Variants in NARS2 observed in about 807,000 individuals in gnomAD.
NARS2 encodes the protein asparaginyl-tRNA synthetase 2, mitochondrial.
NARS2 carries 60 observed loss-of-function variants against 62.9 expected under a neutral mutation model. The ratio of observed to expected loss-of-function variants is 0.95; its 90% CI spans 0.77 to 1.18. The LOEUF (loss-of-function observed/expected upper bound fraction) is 1.18. Ranked by LOEUF, NARS2 falls within the 50% of genes most tolerant of loss-of-function variation. The probability of loss-of-function intolerance (pLI) is 0.00; values close to 1 mark genes in which losing one functional copy is unlikely to be tolerated. For missense variants in NARS2, 619 were observed against 576.4 expected (o/e 1.07, Z -0.76); for synonymous variants, 196 against 200.0 (o/e 0.98, Z 0.17).
At chr11:78,507,620 C>T (rs528620404) in intron 6 of NARS2, among the ~76,000 whole-genome samples, 51 of 151,420 alleles carry the variant, frequency 3.4e-4, no homozygotes, top group Middle Eastern at 3.4e-3. Flanking sequence ...CCCGGGTTCA[C>T]GCCATTCTCC....
At chr11:78,467,778 T>C (rs1858684565) in intron 10 of NARS2, among the ~76,000 whole-genome samples, 1 of 152,076 alleles carries the variant, frequency 6.6e-6, no homozygotes, top group South Asian at 2.1e-4. Flanking sequence ...AATTTGATTA[T>C]GATAATCTGT....
intron 6 of NARS2, among the ~76,000 whole-genome samples, chr11:78,503,645 C>T (rs1425390155): frequency 2.6e-5 from 4 of 152,178 alleles, no homozygotes; most frequent in Admixed American, 1.3e-4. Flanking sequence ...GGCCTATATA[C>T]TATGAATGAA....
chr11:78,528,828 G>C lies in NARS2; in HGVS notation c.689+14C>G. On this transcript the variant is annotated intron_variant, in intron 6 of 13. Coordinates refer to ENST00000281038, the MANE Select transcript of NARS2 (RefSeq NM_024678.6). Reference sequence around the variant, plus strand: ...ATAATATATCAAAGCAAAAGAGAAAGGAAAATTTCATACCCTGACATCACT... The same window carrying C: ...ATAATATATCAAAGCAAAAGAGAAACGAAAATTTCATACCCTGACATCACT... 1 of 1,571,536 alleles carries C rather than the reference G, an allele frequency of 6.4e-7. No individual in the cohort carries two copies. The highest frequency in any genetic ancestry group is 2.2e-5 in the East Asian group (1 of 44,564).
intron 11 of NARS2, among the ~76,000 whole-genome samples, chr11:78,459,436 A>T (rs919386493): frequency 6.8e-6 from 1 of 146,038 alleles, no homozygotes; most frequent in African/African-American, 2.6e-5. Flanking sequence ...ACGCCCAGCT[A>T]ATTTTGTATT....
At chr11:78,452,811 A>G (rs1734946513) in intron 11 of NARS2, among the ~76,000 whole-genome samples, 1 of 152,206 alleles carries the variant, frequency 6.6e-6, no homozygotes. Flanking sequence ...AACCACAGCC[A>G]AAAATCAGCC....
chr11:78,449,057 A>G (rs1423952028), intron 11 of NARS2, among the ~76,000 whole-genome samples: 1 of 151,242 alleles, frequency 6.6e-6, no homozygotes, highest in Non-Finnish European at 1.5e-5. Flanking sequence ...GCTTTTATTT[A>G]TCTGGAATAT....
intron 9 of NARS2, among the ~76,000 whole-genome samples, chr11:78,474,693 T>C: frequency 6.6e-6 from 1 of 152,200 alleles, no homozygotes; most frequent in South Asian, 2.1e-4. Context: ...GGCTAAGTCC[T>C]GGGGGTATAA....
Position 78,443,678 on chromosome 11 carries a change from T to C in NARS2, c.1245A>G (p.Leu415=). Residue 415 remains leucine, a synonymous_variant, in exon 12 of 14, where the codon TTA becomes TTG. Transcript: ENST00000281038. ...GGLREERYHF[L]EERLARSGLT... is the part of the protein sequence containing the mutation. ...ACCAGTACCTGGCTAAGCGCTCCTC[T>C]AAGAAATGGTATCGTTCTTCTCTGA... The C allele has an allele frequency of 6.2e-7, 1 of 1,612,948 alleles. No individual in the cohort carries two copies. Among genetic ancestry groups the C allele is most frequent in the South Asian group, 1.1e-5 (1 of 91,038 alleles).
chr11:78,499,806 T>C (rs1168814482), intron 6 of NARS2, among the ~76,000 whole-genome samples: 1 of 152,218 alleles, frequency 6.6e-6, no homozygotes, highest in Non-Finnish European at 1.5e-5. Flanking sequence ...TGACTGGATA[T>C]GGGGGCTTAG....
At chr11:78,485,812 C>A (rs1025925406) in intron 7 of NARS2, among the ~76,000 whole-genome samples, 1 of 152,164 alleles carries the variant, frequency 6.6e-6, no homozygotes, top group Admixed American at 6.5e-5. Context: ...ACTTCTCCAA[C>A]AGAGGAACTG....
intron 7 of NARS2, among the ~76,000 whole-genome samples, chr11:78,491,357 G>C (rs1380418479): frequency 6.6e-6 from 1 of 150,534 alleles, no homozygotes; most frequent in East Asian, 2.0e-4. Flanking sequence ...AGTGTAAAGG[G>C]AGCATGGAAG....
intron 11 of NARS2, among the ~76,000 whole-genome samples, chr11:78,456,561 C>G (rs1197236891): frequency 1.3e-5 from 2 of 152,156 alleles, no homozygotes; most frequent in Admixed American, 6.5e-5. Context: ...ATTGCACACC[C>G]CTTGGCTGAG....
At chr11:78,496,525 G>C (rs915490094) in intron 6 of NARS2, among the ~76,000 whole-genome samples, 1 of 152,100 alleles carries the variant, frequency 6.6e-6, no homozygotes, top group Non-Finnish European at 1.5e-5. Flanking sequence ...CCACATTTCT[G>C]ACTCTAATGC....
intron 11 of NARS2, among the ~76,000 whole-genome samples, chr11:78,464,893 G>A (rs1240628870): frequency 6.6e-6 from 1 of 152,250 alleles, no homozygotes; most frequent in Non-Finnish European, 1.5e-5. Flanking sequence ...AGACTCAGGA[G>A]CCCAGCTGGC....
chr11:78,493,728 A>C (rs996061765), intron 6 of NARS2, among the ~76,000 whole-genome samples: 1 of 152,174 alleles, frequency 6.6e-6, no homozygotes. Context: ...TTTATCCTGA[A>C]GGAATCTGCA....
intron 6 of NARS2, among the ~76,000 whole-genome samples, chr11:78,504,667 C>T (rs1224849791): frequency 1.3e-5 from 2 of 152,118 alleles, no homozygotes; most frequent in Non-Finnish European, 2.9e-5. Flanking sequence ...CACATACAAA[C>T]ACACATACAC....
chr11:78,519,564 ACTT>A (rs1347595592), intron 6 of NARS2, among the ~76,000 whole-genome samples: 3 of 152,180 alleles, frequency 2.0e-5, no homozygotes, highest in African/African-American at 7.2e-5. Flanking sequence ...TTTCATAACC[ACTT>A]CTTAAAAAAC....
intron 6 of NARS2, among the ~76,000 whole-genome samples, chr11:78,517,261 G>T (rs1393002909): frequency 1.3e-5 from 2 of 152,182 alleles, no homozygotes; most frequent in African/African-American, 4.8e-5. Flanking sequence ...AGGAAGGTTG[G>T]TAGTACCATT....
chr11:78,544,311 C>T (rs1015876721), intron 5 of NARS2, among the ~76,000 whole-genome samples: 1 of 152,188 alleles, frequency 6.6e-6, no homozygotes, highest in Non-Finnish European at 1.5e-5. Context: ...GGGAATGTTT[C>T]TGGTTGTCAT....
Sources: allele counts gnomAD v4.1 joint callset (sites outside exome capture counted in the v4.1 genomes callset), GRCh38; gene constraint gnomAD v4.1.1; transcripts MANE v1.5; gene names NCBI Gene and HGNC (gene_info 2026-07-23, HGNC 2026-07-21).